The following DNAH8 variants were observed in gnomAD, a reference collection of about 807,000 sequenced individuals.
DNAH8 encodes axonemal beta dynein heavy chain 8.
A neutral mutation model predicts 562.1 loss-of-function variants in DNAH8; 382 were observed. That is an observed-to-expected ratio of 0.68 (90% CI 0.63 to 0.74). DNAH8 has a LOEUF of 0.74. Among genes scored for constraint, DNAH8 ranks in the 30% least tolerant of loss-of-function variants. The pLI, the probability that DNAH8 is intolerant of heterozygous loss-of-function variation, is 0.00. For synonymous variants in DNAH8, 1,881 were observed against 1,919.4 expected (o/e 0.98, Z 0.52); for missense variants, 5,203 against 5,620.4 (o/e 0.93, Z 2.37).
intron 30 of DNAH8, among the ~76,000 whole-genome samples, chr6:38,828,997 C>T (rs557027673): frequency 5.1e-4 from 78 of 152,214 alleles, no homozygotes; most frequent in East Asian, 7.7e-4. Context: ...TATGGTCTTT[C>T]GTAACTTGAT....
rs781379121 is a variant in DNAH8 at position 38,951,457 on chromosome 6, T to G, written c.12388T>G (p.Phe4130Val). The change falls in exon 82 of 93, where the codon TTC (phenylalanine) becomes GTC (valine). Residue 4130 changes from phenylalanine (F) to valine (V), a missense_variant. Phe to Val is a conservative substitution (Grantham distance 50). Coordinates refer to ENST00000327475, the MANE Select transcript of DNAH8 (RefSeq NM_001206927.2). ...ESDTRTPLIC[F>V]LSMGSDPTNQ... ...TGATACCCGGACACCTCTGATATGC[T>G]TCCTGTCCATGGGATCTGACCCCAC... The G allele has an allele frequency of 6.2e-7, 1 of 1,614,152 alleles. No homozygotes were observed. Among genetic ancestry groups the G allele is most frequent in the Admixed American group, 1.7e-5 (1 of 60,016 alleles).
chr6:38,793,430 G>A lies in DNAH8; in HGVS notation c.2901+1756G>A, dbSNP rs576945572. 3.9e-3 allele frequency among the ~76,000 whole-genome samples: 586 copies of A among 152,100 alleles called. 8 individuals carry two copies. The highest frequency in any genetic ancestry group is 0.014 in the African/African-American group (567 of 41,498). On this transcript the variant is annotated intron_variant, in intron 21 of 92. Transcript: ENST00000327475. ...AAGTTTTTTATCCTTAAGTTATTTT[G>A]TTTGATATTGATGTAATTATACCAG...
At chr6:38,813,137 C>T (rs1049028740) in intron 24 of DNAH8, among the ~76,000 whole-genome samples, 1 of 152,090 alleles carries the variant, frequency 6.6e-6, no homozygotes, top group Non-Finnish European at 1.5e-5. Flanking sequence ...CTGTTCACTG[C>T]CTTTATTATT....
At chr6:38,836,361 T>A (rs1258459291) in intron 32 of DNAH8, among the ~76,000 whole-genome samples, 1 of 151,380 alleles carries the variant, frequency 6.6e-6, no homozygotes, top group Non-Finnish European at 1.5e-5. Context: ...GCAGGAGAAT[T>A]GCTTGAACCT....
Position 38,868,239 on chromosome 6 carries a change from G to A in DNAH8, c.6828+43G>A, listed in dbSNP as rs533930554. ...TCTTCTTTTCCACAATTTTAATATTGTTTCTTTCTATTTGGTGGACAAGTA... is the reference window on the plus strand; with the variant it reads ...TCTTCTTTTCCACAATTTTAATATTATTTCTTTCTATTTGGTGGACAAGTA... On this transcript the variant is annotated intron_variant, in intron 48 of 92. Transcript: ENST00000327475. 4 of 1,564,782 alleles carry A rather than the reference G, an allele frequency of 2.6e-6. No individual in the cohort carries two copies. In the South Asian group the frequency reaches 4.8e-5, roughly 19 times the overall value.
chr6:38,885,724 C>T (rs146265122), intron 56 of DNAH8, among the ~76,000 whole-genome samples: 3 of 152,314 alleles, frequency 2.0e-5, no homozygotes, highest in Non-Finnish European at 2.9e-5. Context: ...CCCTAGGTAT[C>T]GAACTGGCTT....
intron 88 of DNAH8, among the ~76,000 whole-genome samples, chr6:39,004,407 T>C (rs1765672852): frequency 6.6e-6 from 1 of 152,218 alleles, no homozygotes; most frequent in Admixed American, 6.5e-5. Context: ...CATTCTTTTC[T>C]ATACTTCAAA....
intron 82 of DNAH8, among the ~76,000 whole-genome samples, chr6:38,968,663 A>G (rs1583473877): frequency 1.3e-5 from 2 of 152,336 alleles, no homozygotes; most frequent in East Asian, 3.9e-4. Context: ...GAAAAATTAG[A>G]ACATTCATAC....
intron 11 of DNAH8, among the ~76,000 whole-genome samples, chr6:38,766,111 G>T (rs1280678289): frequency 6.7e-6 from 1 of 149,984 alleles, no homozygotes; most frequent in African/African-American, 2.5e-5. Flanking sequence ...GGTATATAGG[G>T]TATGTATGTA....
intron 14 of DNAH8, among the ~76,000 whole-genome samples, chr6:38,778,947 G>T (rs995723285): frequency 2.6e-5 from 4 of 152,190 alleles, no homozygotes; most frequent in Admixed American, 6.5e-5. Flanking sequence ...TGAAATGGTT[G>T]CTACAACCAA....
intron 80 of DNAH8, among the ~76,000 whole-genome samples, chr6:38,945,940 A>T (rs1391558374): frequency 6.6e-6 from 1 of 152,216 alleles, no homozygotes; most frequent in African/African-American, 2.4e-5. Flanking sequence ...ATTTGTACAG[A>T]TTTGAATGTG....
rs1782380585 is a variant in DNAH8 at position 38,929,604 on chromosome 6, C to T, written c.11212C>T (p.Leu3738=). 6.2e-7 allele frequency: 1 copy of T among 1,608,474 alleles called. No individual in the cohort carries two copies. The highest frequency in any genetic ancestry group is 1.4e-5 in the African/African-American group (1 of 73,374). Residue 3738 remains leucine (L), a synonymous_variant, in exon 75 of 93, where the codon CTG becomes TTG. Coordinates refer to ENST00000327475, the MANE Select transcript of DNAH8 (RefSeq NM_001206927.2). ...PLLIEDIHEE[L]DPALDNVLEK... is the part of the protein sequence containing the mutation. ...TCTCATTGAGGACATTCATGAAGAG[C>T]TGGATCCAGCCTTGGATAATGTATT...
At chr6:38,966,966 T>A (rs1196081437) in intron 82 of DNAH8, among the ~76,000 whole-genome samples, 1 of 152,226 alleles carries the variant, frequency 6.6e-6, no homozygotes, top group Admixed American at 6.5e-5. Context: ...AGGTCACTAA[T>A]CCCACTCTTA....
Position 38,954,325 on chromosome 6 carries a change from G to C in DNAH8, c.12451+2805G>C, listed in dbSNP as rs115036556. ...CATAAAACCCCACAACCACACAAAA[G>C]TAGTAGTGGGAAAACTGATATAACA... On this transcript the variant is annotated intron_variant, in intron 82 of 92. Coordinates refer to ENST00000327475, the MANE Select transcript of DNAH8 (RefSeq NM_001206927.2). Among the ~76,000 whole-genome samples the C allele has an allele frequency of 4.3e-3, 656 of 152,252 alleles. 5 individuals are homozygous for C. The highest frequency in any genetic ancestry group is 0.014 in the African/African-American group (574 of 41,522).
intron 65 of DNAH8, among the ~76,000 whole-genome samples, chr6:38,910,563 TAAG>T (rs1370135728): frequency 3.9e-5 from 6 of 152,240 alleles, no homozygotes; most frequent in Admixed American, 1.3e-4. Context: ...TTCTTACTGT[TAAG>T]AAGATTTTCT....
At chr6:38,854,212 CTAATGTTTAGAAAG>C (rs1357692220) in intron 41 of DNAH8, among the ~76,000 whole-genome samples, 1 of 122,458 alleles carries the variant, frequency 8.2e-6, no homozygotes, top group Admixed American at 9.4e-5. Flanking sequence ...TTTCATGCAA[CTAATGTTTAGAAAG>C]TGAAGACCTC....
intron 35 of DNAH8, 81 bp from the exon 36 acceptor site, chr6:38,845,491 CAA>C: frequency 4.9e-6 from 5 of 1,030,268 alleles, no homozygotes; most frequent in Non-Finnish European, 7.0e-6. Context: ...CCCTTTCAAG[CAA>C]AAAAAAAATT....
At position 38,834,536 on chromosome 6, in the gene DNAH8, A is replaced by G. The variant is rs777427691; in HGVS notation, c.4303-43A>G. ...ATAAACCCAATAAACTGACAAATACATATGATTAAGAATGAAAATGGAGAT... is the reference window on the plus strand; with the variant it reads ...ATAAACCCAATAAACTGACAAATACGTATGATTAAGAATGAAAATGGAGAT... On this transcript the variant is annotated intron_variant, in intron 31 of 92. Transcript: ENST00000327475. 3.2e-5 allele frequency: 43 copies of G among 1,349,378 alleles called. No homozygotes were observed. The South Asian group carries it at 3.9e-4, about 12-fold the overall frequency. 83.6% of individuals were successfully genotyped at this position (1,349,378 alleles called of 1,614,324 possible).
At chr6:38,772,751 A>G (rs1678653) in intron 12 of DNAH8, among the ~76,000 whole-genome samples, 33,752 of 151,774 alleles carry the variant, frequency 0.22, 4,193 homozygotes, top group East Asian at 0.46. Flanking sequence ...TTGTGTTTTT[A>G]ATGTCATATC....
Sources: gnomAD v4.1 joint callset for allele counts (sites outside exome capture counted in the v4.1 genomes callset) on GRCh38, gnomAD v4.1.1 for gene constraint, MANE v1.5 for transcripts, NCBI Gene and HGNC (gene_info 2026-07-23, HGNC 2026-07-21) for gene names.